Variants in PLEKHA5 observed in about 807,000 individuals in gnomAD.
PLEKHA5 encodes pleckstrin homology domain-containing family A member 5.
In PLEKHA5, 55 loss-of-function variants were observed where a neutral mutation model predicts 181.9. The ratio of observed to expected loss-of-function variants is 0.30; its 90% CI spans 0.24 to 0.38. The LOEUF is 0.38. Ranked by LOEUF, PLEKHA5 falls within the 10% of genes least tolerant of loss-of-function variation. PLEKHA5 has a pLI of 1.00. For synonymous variants in PLEKHA5, 535 were observed against 529.4 expected, an observed-to-expected ratio of 1.01 and a Z score of -0.15; for missense variants, 1,432 against 1,549.5, an observed-to-expected ratio of 0.92 and a Z score of 1.27.
chr12:19,307,529 G>T (rs1031330447), intron 15 of PLEKHA5: 2 of 308,496 alleles, frequency 6.5e-6, no homozygotes, highest in African/African-American at 2.3e-5. Flanking sequence ...GCCTAATTTC[G>T]GCTGCTATAG....
intron 25 of PLEKHA5, among the ~76,000 whole-genome samples, chr12:19,351,577 AT>A (rs2094595599): frequency 1.3e-5 from 2 of 152,144 alleles, no homozygotes; most frequent in Non-Finnish European, 2.9e-5. Flanking sequence ...GATAAAAGAA[AT>A]TGTTGAGACT....
At chr12:19,330,765 C>A (rs2092761220) in intron 20 of PLEKHA5, among the ~76,000 whole-genome samples, 1 of 151,932 alleles carries the variant, frequency 6.6e-6, no homozygotes, top group Admixed American at 6.6e-5. Flanking sequence ...TATTAGTGAC[C>A]AAAAATTAAC....
chr12:19,279,523 T>G (rs1470910736), intron 11 of PLEKHA5, among the ~76,000 whole-genome samples: 1 of 151,840 alleles, frequency 6.6e-6, no homozygotes. Flanking sequence ...ATTAGCTGGG[T>G]GTAGCAGCAG....
At chr12:19,206,103 A>G (rs924884383) in intron 3 of PLEKHA5, among the ~76,000 whole-genome samples, 3 of 152,220 alleles carry the variant, frequency 2.0e-5, no homozygotes, top group Non-Finnish European at 2.9e-5. Flanking sequence ...GAAGAGTTGC[A>G]TGATAATAGT....
At chr12:19,365,604 G>C (rs1393577031) in intron 29 of PLEKHA5, among the ~76,000 whole-genome samples, 1 of 152,066 alleles carries the variant, frequency 6.6e-6, no homozygotes, top group African/African-American at 2.4e-5. Context: ...GACATTATGA[G>C]GCACCAGGAA....
At chr12:19,352,063 C>T (rs1452627382) in intron 25 of PLEKHA5, among the ~76,000 whole-genome samples, 2 of 116,676 alleles carry the variant, frequency 1.7e-5, no homozygotes, top group Admixed American at 1.0e-4. Context: ...GCAACAAGAG[C>T]GAAACTCCAT....
chr12:19,184,390 C>G (rs906522350), intron 3 of PLEKHA5, among the ~76,000 whole-genome samples: 1 of 152,100 alleles, frequency 6.6e-6, no homozygotes, highest in Non-Finnish European at 1.5e-5. Context: ...TTGCTGGGGA[C>G]TTTTTATGTA....
chr12:19,276,645 C>G (rs978242174), intron 11 of PLEKHA5, among the ~76,000 whole-genome samples: 2 of 152,168 alleles, frequency 1.3e-5, no homozygotes, highest in Admixed American at 6.5e-5. Context: ...GAGCCAGGAT[C>G]GTGCCACTGC....
rs1484569053 is a variant in PLEKHA5 at position 19,320,069 on chromosome 12, A to C, written c.2154+13A>C. On this transcript the variant is annotated intron_variant, in intron 17 of 31. Coordinates refer to ENST00000429027, the MANE Select transcript of PLEKHA5 (RefSeq NM_001256470.2). ...AAGTCTATATTGTGTATGTGTGTTT[A>C]TATATTATATATATGTATACAATAT... 1 of 891,484 alleles carries C rather than the reference A, an allele frequency of 1.1e-6. No individual in the cohort carries two copies. The highest frequency in any genetic ancestry group is 1.6e-5 in the South Asian group (1 of 62,340). 55.2% of individuals were successfully genotyped at this position (891,484 alleles called of 1,614,324 possible). A position where few individuals can be genotyped will look rare whatever the true frequency, so the allele number is the denominator to read the frequency against.
At chr12:19,326,286 T>A (rs1337550465) in intron 20 of PLEKHA5, among the ~76,000 whole-genome samples, 1 of 152,218 alleles carries the variant, frequency 6.6e-6, no homozygotes, top group African/African-American at 2.4e-5. Context: ...AGCATGTGCA[T>A]AACATCATAC....
At chr12:19,158,788 G>T (rs1347101040) in intron 3 of PLEKHA5, among the ~76,000 whole-genome samples, 1 of 152,080 alleles carries the variant, frequency 6.6e-6, no homozygotes. Flanking sequence ...CTGACCTCAG[G>T]ATATACCAGC....
At chr12:19,368,261 C>T (rs2095486252) in intron 30 of PLEKHA5, among the ~76,000 whole-genome samples, 1 of 152,172 alleles carries the variant, frequency 6.6e-6, no homozygotes, top group East Asian at 1.9e-4. Context: ...GAAGCCAAGG[C>T]AGGAGTATTG....
intron 13 of PLEKHA5, among the ~76,000 whole-genome samples, chr12:19,290,006 G>T (rs984519467): frequency 6.6e-6 from 1 of 152,028 alleles, no homozygotes; most frequent in Non-Finnish European, 1.5e-5. Flanking sequence ...GCAATGGCGT[G>T]ATCTCGGCTC....
Position 19,358,405 on chromosome 12 carries a change from A to G in PLEKHA5, c.3316A>G (p.Asn1106Asp), listed in dbSNP as rs770724256. The G allele has an allele frequency of 1.9e-6, 3 of 1,612,942 alleles. No homozygotes were observed. The highest frequency in any genetic ancestry group is 1.1e-5 in the South Asian group (1 of 91,050). The change falls in exon 27 of 32, where the codon AAT becomes GAT. Residue 1106 changes from asparagine (N) to aspartate (D), a missense_variant. Asn to Asp is a conservative substitution (Grantham distance 23, BLOSUM62 1). Around this residue, in one of 2 missense-constraint regions of PLEKHA5, gnomAD observed 1,143 missense variants for 1,168.4 expected, o/e 0.98. Coordinates refer to ENST00000429027, the MANE Select transcript of PLEKHA5 (RefSeq NM_001256470.2). Reference sequence around the variant, plus strand: ...CCAGTCACCCTTACAAAGCCCTTCAAATTTAAGGGATAATCCATTTAGGAC... The same window carrying G: ...CCAGTCACCCTTACAAAGCCCTTCAGATTTAAGGGATAATCCATTTAGGAC... ...SDQSPLQSPS[N>D]LRDNPFRTTQ...
At chr12:19,229,752 C>T (rs2060203659) in intron 3 of PLEKHA5, among the ~76,000 whole-genome samples, 2 of 152,220 alleles carry the variant, frequency 1.3e-5, no homozygotes, top group South Asian at 2.1e-4. Flanking sequence ...TCTGGCCCCA[C>T]CCACATCCTG....
At chr12:19,331,923 T>C (rs2092882046) in intron 20 of PLEKHA5, among the ~76,000 whole-genome samples, 1 of 151,894 alleles carries the variant, frequency 6.6e-6, no homozygotes, top group Non-Finnish European at 1.5e-5. Flanking sequence ...GAGGCCAAGG[T>C]GGGAGGATTG....
rs567756343 is a variant in PLEKHA5, at chr12:19,250,473, C to T, written c.228-3467C>T. ...TGGTGCATACCTGTAGTCTCAAATA[C>T]TTGGGAGGCTGAGGCAGGAGAATCG... On this transcript the variant is annotated intron_variant, in intron 3 of 31. Coordinates refer to ENST00000429027, the MANE Select transcript of PLEKHA5 (RefSeq NM_001256470.2). Among the ~76,000 whole-genome samples the T allele has an allele frequency of 1.7e-4, 26 of 152,206 alleles. No homozygotes were observed. The East Asian group carries it at 4.8e-3, about 28-fold the overall frequency.
At chr12:19,155,617 C>T (rs1270693434) in intron 3 of PLEKHA5, among the ~76,000 whole-genome samples, 1 of 152,140 alleles carries the variant, frequency 6.6e-6, no homozygotes, top group African/African-American at 2.4e-5. Context: ...AAAGTGTTAA[C>T]CATAGTCTTG....
rs550499384 is a variant in PLEKHA5 at position 19,334,550 on chromosome 12, G to T, written c.2449-1965G>T. Among the ~76,000 whole-genome samples, 19 of 151,998 alleles carry T rather than the reference G, an allele frequency of 1.3e-4. 1 individual carries two copies. The South Asian group carries it at 3.7e-3, about 30-fold the overall frequency. On this transcript the variant is annotated intron_variant, in intron 20 of 31. Coordinates refer to ENST00000429027, the MANE Select transcript of PLEKHA5 (RefSeq NM_001256470.2). ...CCCTCTTAGCCACTGGGCTGTCATT[G>T]GATCTGTTGTCTTAATTTACTCTCC...
Sources: gnomAD v4.1 joint callset for allele counts (sites outside exome capture counted in the v4.1 genomes callset) on GRCh38, gnomAD v4.1.1 for gene constraint, gnomAD v4.1.1 regional missense constraint, MANE v1.5 for transcripts, NCBI Gene and HGNC (gene_info 2026-07-23, HGNC 2026-07-21) for gene names.